FAM83B: variants seen among roughly 807,000 people sequenced by gnomAD.
FAM83B encodes scaffolding CK1 anchoring protein B.
FAM83B carries 26 observed loss-of-function variants against 38.8 expected under a neutral mutation model. The ratio of observed to expected loss-of-function variants is 0.67; its 90% CI spans 0.49 to 0.93. The LOEUF (loss-of-function observed/expected upper bound fraction) is 0.93, where lower values mean the gene tolerates loss of function less well. Among genes scored for constraint, FAM83B ranks in the 40% least tolerant of loss-of-function variants. The pLI, the probability that FAM83B is intolerant of heterozygous loss-of-function variation, is 0.00. For missense variants in FAM83B, 1,237 were observed against 1,197.3 expected (o/e 1.03, Z -0.49); for synonymous variants, 419 against 423.1 (o/e 0.99, Z 0.12).
chr6:54,855,281 G>C lies in FAM83B; in HGVS notation c.-61+8455G>C, dbSNP rs76157110. Among the ~76,000 whole-genome samples, 461 of 152,216 alleles carry C rather than the reference G, an allele frequency of 3.0e-3. 7 individuals are homozygous for C. The highest frequency in any genetic ancestry group is 0.029 in the East Asian group (152 of 5,184). ...GAGTGTCAATCTCTCATGCAGAAAA[G>C]TTCAGGATTTTCAAATGTCAAAAGA... On this transcript the variant is annotated intron_variant, in intron 1 of 4. Coordinates refer to ENST00000306858, the MANE Select transcript of FAM83B (RefSeq NM_001010872.3).
In FAM83B at chr6:54,939,933, A is replaced by G; in HGVS notation, c.962A>G (p.Asn321Ser). The change falls in exon 5 of 5, where the codon AAC becomes AGC. Residue 321 changes from asparagine (N) to serine (S), a missense_variant. Coordinates refer to ENST00000306858, the MANE Select transcript of FAM83B (RefSeq NM_001010872.3). ...TTAGCATCTGTTTCCAGCCAGAGAA[A>G]CCTTTTTGGTAGACAAGACAAGATT... ...SSLASVSSQR[N>S]LFGRQDKIHK... 1 of 1,613,994 alleles carries G rather than the reference A, an allele frequency of 6.2e-7. No individual in the cohort carries two copies. Among genetic ancestry groups the G allele is most frequent in the Non-Finnish European group, 8.5e-7 (1 of 1,179,974 alleles).
At position 54,944,925 on chromosome 6, in the gene FAM83B, C is replaced by T. The variant is rs953376358; in HGVS notation, c.*2918C>T. On this transcript the variant is annotated 3_prime_UTR_variant, in exon 5 of 5. Coordinates refer to ENST00000306858, the MANE Select transcript of FAM83B (RefSeq NM_001010872.3). The stretch of plus-strand genomic sequence containing the variant: ...TTTTCTTTTTTAAGAGATGGGTTTT[C>T]ACTAGTATGCCCAGTCTGGACTCCA... 3.3e-5 allele frequency: 5 copies of T among 152,134 alleles called. No homozygotes were observed. Among genetic ancestry groups the T allele is most frequent in the Non-Finnish European group, 5.9e-5 (4 of 68,020 alleles). The allele number at this position is 152,134 out of a possible 1,614,324, so 9.4% of individuals were successfully genotyped here.
intron 2 of FAM83B, among the ~76,000 whole-genome samples, chr6:54,893,021 C>A (rs1030474415): frequency 6.6e-6 from 1 of 152,074 alleles, no homozygotes; most frequent in African/African-American, 2.4e-5. Context: ...GGGTGAGGAG[C>A]TGAGTCCTCC....
At chr6:54,918,492 A>G (rs112704355) in intron 2 of FAM83B, among the ~76,000 whole-genome samples, 9,171 of 152,196 alleles carry the variant, frequency 0.06, 916 homozygotes, top group African/African-American at 0.21. Context: ...ACTTACAATC[A>G]TGGCAGAAGG....
At chr6:54,878,594 A>G (rs957499856) in intron 2 of FAM83B, among the ~76,000 whole-genome samples, 2 of 152,164 alleles carry the variant, frequency 1.3e-5, no homozygotes, top group Non-Finnish European at 2.9e-5. Context: ...TTTTAGAAGA[A>G]GAGCAGAGAC....
At chr6:54,855,195 A>G (rs569053886) in intron 1 of FAM83B, among the ~76,000 whole-genome samples, 1 of 152,236 alleles carries the variant, frequency 6.6e-6, no homozygotes, top group Non-Finnish European at 1.5e-5. Flanking sequence ...AGCCCCATGT[A>G]CAGTAAAATG....
chr6:54,872,150 T>C (rs1771872479), intron 2 of FAM83B, among the ~76,000 whole-genome samples: 1 of 152,284 alleles, frequency 6.6e-6, no homozygotes, highest in African/African-American at 2.4e-5. Flanking sequence ...TTAACAGTAT[T>C]ATATTAAATA....
In FAM83B at chr6:54,876,928, C is replaced by A. The variant is rs567929565; in HGVS notation, c.444+6238C>A. 8.5e-5 allele frequency among the ~76,000 whole-genome samples: 13 copies of A among 152,174 alleles called. No individual in the cohort carries two copies. The East Asian group carries it at 2.3e-3, about 27-fold the overall frequency. ...TCCTGTCTCTGGTTTAAAATAAAAA[C>A]CAAACAGTTACTTATTGAAATGTGT... On this transcript the variant is annotated intron_variant, in intron 2 of 4. Coordinates refer to ENST00000306858, the MANE Select transcript of FAM83B (RefSeq NM_001010872.3).
intron 2 of FAM83B, among the ~76,000 whole-genome samples, chr6:54,890,570 A>G (rs1772377282): frequency 6.6e-6 from 1 of 152,118 alleles, no homozygotes; most frequent in Non-Finnish European, 1.5e-5. Flanking sequence ...ATAGTACAGG[A>G]AATGTGACCA....
At chr6:54,848,290 G>T (rs78095679) in intron 1 of FAM83B, among the ~76,000 whole-genome samples, 3,019 of 152,256 alleles carry the variant, frequency 0.02, 107 homozygotes, top group African/African-American at 0.069. Context: ...TGCCTTTGGG[G>T]CTCAGGCACA....
intron 4 of FAM83B, among the ~76,000 whole-genome samples, chr6:54,930,535 T>A (rs1773396079): frequency 6.6e-6 from 1 of 152,092 alleles, no homozygotes; most frequent in South Asian, 2.1e-4. Flanking sequence ...ACTTTTAAAT[T>A]AAAAAATTTA....
Position 54,944,156 on chromosome 6 carries a change from C to G in FAM83B, c.*2149C>G, listed in dbSNP as rs775189642. 2 of 152,028 alleles carry G rather than the reference C, an allele frequency of 1.3e-5. No individual in the cohort carries two copies. The highest frequency in any genetic ancestry group is 2.9e-5 in the Non-Finnish European group (2 of 68,002). 9.4% of individuals were successfully genotyped at this position (152,028 alleles called of 1,614,324 possible). On this transcript the variant is annotated 3_prime_UTR_variant, in exon 5 of 5. Coordinates refer to ENST00000306858, the MANE Select transcript of FAM83B (RefSeq NM_001010872.3). ...CAAAGTCTCTGTGGCCAAAACCTCT[C>G]CAGGGATAAGACTGAGCAAGAATAT... is the stretch of plus-strand genomic sequence containing the variant.
At chr6:54,846,608 T>A (rs1350728562), upstream of FAM83B, among the ~76,000 whole-genome samples, 1 of 152,146 alleles carries the variant, frequency 6.6e-6, no homozygotes, top group Non-Finnish European at 1.5e-5. Context: ...CACTTGGGAC[T>A]TGTTGTAACC....
At position 54,847,668 on chromosome 6, in the gene FAM83B, GC is replaced by G. The variant is rs1404701602; in HGVS notation, c.-61+844del. 9.9e-5 allele frequency among the ~76,000 whole-genome samples: 15 copies of G among 152,226 alleles called. No individual in the cohort carries two copies. The South Asian group carries it at 2.7e-3, about 27-fold the overall frequency. ...TAAGGTTAATGGACAGGCAGAGAAT[GC>G]CTGTGTTCATTGCAGGAGTCATAGG... On this transcript the variant is annotated intron_variant, in intron 1 of 4. Coordinates refer to ENST00000306858, the MANE Select transcript of FAM83B (RefSeq NM_001010872.3).
Position 54,940,750 on chromosome 6 carries a change from A to AC in FAM83B, c.1782dup (p.Pro596AlafsTer23), listed in dbSNP as rs1773660683. The stretch of plus-strand genomic sequence containing the variant: ...CGAATGTACAGCATTTGACAGACAA[A>AC]CCCTTGCCAGAATCAATCCCCAAGC... On this transcript the variant is annotated frameshift_variant, in exon 5 of 5. Coordinates refer to ENST00000306858, the MANE Select transcript of FAM83B (RefSeq NM_001010872.3). LOFTEE classifies it low-confidence loss of function (END_TRUNC). 6 of 1,613,884 alleles carry AC rather than the reference A, an allele frequency of 3.7e-6. No individual in the cohort carries two copies. Among genetic ancestry groups the AC allele is most frequent in the Non-Finnish European group, 5.1e-6 (6 of 1,179,966 alleles).
intron 2 of FAM83B, among the ~76,000 whole-genome samples, chr6:54,882,524 C>T (rs777065680): frequency 3.3e-5 from 5 of 152,102 alleles, no homozygotes; most frequent in Non-Finnish European, 7.4e-5. Flanking sequence ...TTGGGCTTAC[C>T]ATTATGGTGT....
chr6:54,909,445 T>C (rs576416106), intron 2 of FAM83B, among the ~76,000 whole-genome samples: 2 of 152,190 alleles, frequency 1.3e-5, no homozygotes, highest in Non-Finnish European at 2.9e-5. Flanking sequence ...ACCAACCTAA[T>C]ACCATGAGAG....
At chr6:54,895,771 C>A (rs145036480) in intron 2 of FAM83B, among the ~76,000 whole-genome samples, 23 of 152,206 alleles carry the variant, frequency 1.5e-4, no homozygotes, top group African/African-American at 5.5e-4. Flanking sequence ...GATGGCGTCT[C>A]GCTCTGTTAC....
rs139381246 is a variant in FAM83B at position 54,854,006 on chromosome 6, G to T, written c.-61+7180G>T. ...CTAACTCTTGTAGATGTCTTAGAAA[G>T]GTTCAAGACTTTTGTGGAGGATGTA... On this transcript the variant is annotated intron_variant, in intron 1 of 4. Coordinates refer to ENST00000306858, the MANE Select transcript of FAM83B (RefSeq NM_001010872.3). Among the ~76,000 whole-genome samples, 461 of 152,284 alleles carry T rather than the reference G, an allele frequency of 3.0e-3. 7 individuals carry two copies. The highest frequency in any genetic ancestry group is 0.029 in the East Asian group (151 of 5,180).
Sources: gnomAD v4.1 joint callset for allele counts (sites outside exome capture counted in the v4.1 genomes callset) on GRCh38, gnomAD v4.1.1 for gene constraint, MANE v1.5 for transcripts, NCBI Gene and HGNC (gene_info 2026-07-23, HGNC 2026-07-21) for gene names.